Variants in ACKR2 observed in about 807,000 individuals in gnomAD.
ACKR2 encodes C-C chemokine receptor D6.
For synonymous variants in ACKR2, 207 were observed against 192.2 expected (o/e 1.08, Z -0.64); for missense variants, 457 against 477.3 (o/e 0.96, Z 0.40).
intron 2 of ACKR2, among the ~76,000 whole-genome samples, chr3:42,820,008 G>A (rs948426210): frequency 6.6e-6 from 1 of 152,152 alleles, no homozygotes; most frequent in Non-Finnish European, 1.5e-5. Context: ...ACTGCAAACA[G>A]GTTTTTATTG....
chr3:42,821,661 A>G (rs1412224963), intron 2 of ACKR2, among the ~76,000 whole-genome samples: 2 of 151,546 alleles, frequency 1.3e-5, no homozygotes, highest in African/African-American at 2.4e-5. Flanking sequence ...TTTGCTGCCT[A>G]TGCTCAGATT....
chr3:42,864,637 C>A lies in ACKR2; in HGVS notation c.135C>A (p.Gly45=), dbSNP rs758713198. The stretch of plus-strand genomic sequence containing the variant: ...GGAAGGATGCAGTGGTGTCCTTTGG[C>A]AAAGTCTTCCTCCCAGTCTTCTATA... ...LCRKDAVVSF[G]KVFLPVFYSL... The change falls in exon 3 of 3, where the codon GGC becomes GGA. Residue 45 remains glycine, a synonymous_variant. Transcript: ENST00000422265. 6.2e-7 allele frequency: 1 copy of A among 1,614,232 alleles called. No homozygotes were observed. The highest frequency in any genetic ancestry group is 1.1e-5 in the South Asian group (1 of 91,084).
At chr3:42,810,653 C>T (rs544418268) in intron 1 of ACKR2, among the ~76,000 whole-genome samples, 1 of 152,254 alleles carries the variant, frequency 6.6e-6, no homozygotes, top group Non-Finnish European at 1.5e-5. Context: ...AATTGTACGA[C>T]CCGACCACTA....
intron 2 of ACKR2, among the ~76,000 whole-genome samples, chr3:42,830,340 T>C (rs1700919703): frequency 6.6e-6 from 1 of 152,192 alleles, no homozygotes; most frequent in Non-Finnish European, 1.5e-5. Context: ...GGTCTTGAAC[T>C]CCTGGCCTCA....
Position 42,864,846 on chromosome 3 carries a change from T to C in ACKR2, c.344T>C (p.Phe115Ser), listed in dbSNP as rs55798206. ...GCCTGGCATTGGGTCTTCGGGAGTT[T>C]CTTGTGCAAGATGGTGAGCACTCTT... is the stretch of plus-strand genomic sequence containing the variant. ...SVAWHWVFGS[F>S]LCKMVSTLYT... Residue 115 changes from phenylalanine to serine, a missense_variant, in exon 3 of 3, where the codon TTC (phenylalanine) becomes TCC (serine). Transcript: ENST00000422265. 159 of 1,614,104 alleles carry C rather than the reference T, an allele frequency of 9.9e-5. No individual in the cohort carries two copies. The highest frequency in any genetic ancestry group is 1.3e-4 in the Non-Finnish European group (153 of 1,180,046).
intron 2 of ACKR2, chr3:42,851,395 C>T (rs909258926): frequency 1.8e-4 from 175 of 985,344 alleles, no homozygotes; most frequent in Non-Finnish European, 2.1e-4. Context: ...AGGCACCTGG[C>T]GCTGCCGCTC....
At chr3:42,863,394 GC>G (rs2088403413) in intron 2 of ACKR2, among the ~76,000 whole-genome samples, 2 of 152,200 alleles carry the variant, frequency 1.3e-5, no homozygotes, top group Admixed American at 1.3e-4. Context: ...AAATAGGAAT[GC>G]TTTTACACTG....
intron 2 of ACKR2, chr3:42,835,601 A>G (rs62247895): frequency 0.051 from 7,736 of 152,296 alleles, 229 homozygotes; most frequent in South Asian, 0.12. Context: ...TTGAACAACC[A>G]TCAATTTCAA....
chr3:42,848,841 G>C (rs138814099), intron 2 of ACKR2, among the ~76,000 whole-genome samples: 1 of 152,266 alleles, frequency 6.6e-6, no homozygotes, highest in South Asian at 2.1e-4. Flanking sequence ...CCTCTGATAC[G>C]TATACTGAGG....
At chr3:42,818,043 C>T (rs369605677) in intron 1 of ACKR2, among the ~76,000 whole-genome samples, 9 of 152,180 alleles carry the variant, frequency 5.9e-5, no homozygotes, top group African/African-American at 2.2e-4. Context: ...GTTTTTTATT[C>T]TCATCTGTAT....
rs565412172 is a variant in ACKR2, at chr3:42,845,363, CTTGA to C, written c.-37-19086_-37-19083del. ...AATGGTGGGAAAACACCAATTAACACTTGATTGATTGATTGATTGAGACAGAGTC... is the reference window on the plus strand; with the variant it reads ...AATGGTGGGAAAACACCAATTAACACTTGATTGATTGATTGAGACAGAGTC... On this transcript the variant is annotated intron_variant, in intron 2 of 2. Transcript: ENST00000422265. 4.0e-3 allele frequency among the ~76,000 whole-genome samples: 611 copies of C among 152,236 alleles called. 4 individuals carry two copies. Among genetic ancestry groups the C allele is most frequent in the Admixed American group, 7.2e-3 (110 of 15,286 alleles).
chr3:42,855,018 G>A (rs550919481), intron 2 of ACKR2, among the ~76,000 whole-genome samples: 4 of 151,986 alleles, frequency 2.6e-5, no homozygotes, highest in South Asian at 2.1e-4. Context: ...TACCATGCCC[G>A]GCTATTTTTT....
intron 2 of ACKR2, among the ~76,000 whole-genome samples, chr3:42,823,212 G>A (rs957040765): frequency 1.2e-4 from 18 of 152,076 alleles, no homozygotes; most frequent in Non-Finnish European, 2.4e-4. Context: ...CTTCATCTCC[G>A]ATAAAGCCTA....
chr3:42,842,593 T>G (rs1701050038), intron 2 of ACKR2, among the ~76,000 whole-genome samples: 1 of 152,182 alleles, frequency 6.6e-6, no homozygotes, highest in Non-Finnish European at 1.5e-5. Context: ...ATGCACAGTG[T>G]TTGGGAAAAG....
At chr3:42,854,138 G>A (rs950180118) in intron 2 of ACKR2, among the ~76,000 whole-genome samples, 1 of 152,160 alleles carries the variant, frequency 6.6e-6, no homozygotes, top group Non-Finnish European at 1.5e-5. Flanking sequence ...GTCAAGCAGG[G>A]TTTGGTCAAG....
chr3:42,836,613 G>A (rs754311909), intron 2 of ACKR2, among the ~76,000 whole-genome samples: 1 of 152,194 alleles, frequency 6.6e-6, no homozygotes, highest in Non-Finnish European at 1.5e-5. Context: ...CCATTCTTGA[G>A]GATAGGAGGG....
At chr3:42,856,170 A>G in intron 2 of ACKR2, 3 of 491,040 alleles carry the variant, frequency 6.1e-6, no homozygotes, top group Non-Finnish European at 1.1e-5. Flanking sequence ...CAGCAGAAAA[A>G]GGCACTGGGT....
intron 2 of ACKR2, among the ~76,000 whole-genome samples, chr3:42,858,624 A>G (rs1282581735): frequency 7.9e-6 from 1 of 127,284 alleles, no homozygotes; most frequent in Non-Finnish European, 1.7e-5. Context: ...TCTCCTCCAA[A>G]TGATCACAAC....
intron 2 of ACKR2, among the ~76,000 whole-genome samples, chr3:42,853,539 A>G (rs1028814952): frequency 1.7e-4 from 26 of 152,202 alleles, no homozygotes; most frequent in African/African-American, 6.3e-4. Flanking sequence ...AGCTGGGACT[A>G]TAGGTGCATG....
Sources: gnomAD v4.1 joint callset for allele counts (sites outside exome capture counted in the v4.1 genomes callset) on GRCh38, gnomAD v4.1.1 for gene constraint, MANE v1.5 for transcripts, NCBI Gene and HGNC (gene_info 2026-07-23, HGNC 2026-07-21) for gene names.